Variants in COL5A2 observed in about 807,000 individuals in gnomAD.
COL5A2 encodes collagen type V alpha 2 chain.
COL5A2 carries 23 observed loss-of-function variants against 208.2 expected under a neutral mutation model. The observed-to-expected ratio is 0.11, with a 90% CI of 0.08 to 0.16. COL5A2 has a LOEUF of 0.16. COL5A2 is among the 10% of genes least tolerant of loss of function. The pLI, the probability that COL5A2 is intolerant of heterozygous loss-of-function variation, is 1.00. For synonymous variants in COL5A2, 625 were observed against 628.5 expected (o/e 0.99, Z 0.08); for missense variants, 1,590 against 1,956.4 (o/e 0.81, Z 3.53).
At chr2:189,063,619 A>G (rs1338962425) in intron 26 of COL5A2, among the ~76,000 whole-genome samples, 1 of 152,196 alleles carries the variant, frequency 6.6e-6, no homozygotes. Flanking sequence ...CTTAGAATAT[A>G]TAAGTTGTCA....
chr2:189,184,797 G>A (rs1028561050), upstream of COL5A2, among the ~76,000 whole-genome samples: 1 of 152,122 alleles, frequency 6.6e-6, no homozygotes, highest in Non-Finnish European at 1.5e-5. Flanking sequence ...GGATTAGGAC[G>A]TGAGTGCATC....
chr2:189,077,340 G>T (rs1243840944), intron 16 of COL5A2, among the ~76,000 whole-genome samples: 1 of 152,140 alleles, frequency 6.6e-6, no homozygotes, highest in Non-Finnish European at 1.5e-5. Flanking sequence ...AAGAATGTAT[G>T]GGTCTTGGTC....
chr2:189,222,346 G>A (rs969717985), intron 1 of COL5A2, among the ~76,000 whole-genome samples: 1 of 152,090 alleles, frequency 6.6e-6, no homozygotes. Context: ...ACATATATAT[G>A]TATTTCAAGC....
chr2:189,158,983 G>A (rs890461675), intron 1 of COL5A2, among the ~76,000 whole-genome samples: 2 of 152,016 alleles, frequency 1.3e-5, no homozygotes, highest in African/African-American at 4.8e-5. Flanking sequence ...TTGGTGCACC[G>A]AAGTCACACA....
the COL5A2 span, among the ~76,000 whole-genome samples, chr2:189,306,270 ACATCTTTC>A: frequency 6.6e-6 from 1 of 152,138 alleles, no homozygotes; most frequent in Non-Finnish European, 1.5e-5. Flanking sequence ...GGACTTGAGC[ACATCTTTC>A]CTACCTAACA....
chr2:189,042,689 C>T (rs1322048791), intron 49 of COL5A2, 31 bp downstream of exon 49: 3 of 1,594,838 alleles, frequency 1.9e-6, no homozygotes, highest in Middle Eastern at 1.7e-4. Flanking sequence ...TTATTATTTA[C>T]ACCTGCAACT....
the COL5A2 span, among the ~76,000 whole-genome samples, chr2:189,373,897 T>C: frequency 6.6e-6 from 1 of 152,194 alleles, no homozygotes; most frequent in Non-Finnish European, 1.5e-5. Context: ...TAATCTCCCA[T>C]GTAACTAAGG....
upstream of COL5A2, among the ~76,000 whole-genome samples, chr2:189,230,171 C>T (rs992532951): frequency 2.6e-5 from 4 of 151,640 alleles, no homozygotes; most frequent in Non-Finnish European, 5.9e-5. Flanking sequence ...TAATACCATA[C>T]CCAAAAATCA....
chr2:189,239,499 G>GA, the COL5A2 span, among the ~76,000 whole-genome samples: 2 of 151,468 alleles, frequency 1.3e-5, no homozygotes, highest in African/African-American at 4.9e-5. Context: ...AGTGCGATCT[G>GA]AAAATGCAAC....
At chr2:189,162,485 T>C (rs1688386462) in intron 1 of COL5A2, among the ~76,000 whole-genome samples, 1 of 152,218 alleles carries the variant, frequency 6.6e-6, no homozygotes. Flanking sequence ...AACACTTTAA[T>C]AATGACTTCT....
At chr2:189,287,526 C>T in the COL5A2 span, among the ~76,000 whole-genome samples, 58 of 152,220 alleles carry the variant, frequency 3.8e-4, no homozygotes, top group Non-Finnish European at 6.3e-4. Flanking sequence ...TCCCAGTCAT[C>T]TCAAAAGATG....
At chr2:189,307,427 A>G in the COL5A2 span, among the ~76,000 whole-genome samples, 1 of 152,148 alleles carries the variant, frequency 6.6e-6, no homozygotes, top group East Asian at 1.9e-4. Flanking sequence ...TTAAAAATTA[A>G]TAAGCAGAAA....
At chr2:189,212,173 A>T (rs1409960236) in intron 1 of COL5A2, among the ~76,000 whole-genome samples, 1 of 152,188 alleles carries the variant, frequency 6.6e-6, no homozygotes, top group Non-Finnish European at 1.5e-5. Context: ...ACCTCTACAT[A>T]GACAACGTGG....
the COL5A2 span, among the ~76,000 whole-genome samples, chr2:189,389,002 G>C: frequency 6.6e-6 from 1 of 152,244 alleles, no homozygotes; most frequent in African/African-American, 2.4e-5. Context: ...GAATAGTTAT[G>C]ATCAAATATT....
chr2:189,325,018 G>A, the COL5A2 span, among the ~76,000 whole-genome samples: 3 of 152,206 alleles, frequency 2.0e-5, no homozygotes, highest in East Asian at 5.8e-4. Flanking sequence ...TCCTTTGTAG[G>A]GACATGGATG....
intron 1 of COL5A2, among the ~76,000 whole-genome samples, chr2:189,145,924 T>C (rs1688030233): frequency 6.6e-6 from 1 of 152,080 alleles, no homozygotes; most frequent in African/African-American, 2.4e-5. Context: ...GCCATGTACA[T>C]GAGTGAGGTA....
chr2:189,261,626 C>T, the COL5A2 span, among the ~76,000 whole-genome samples: 49 of 152,156 alleles, frequency 3.2e-4, no homozygotes, highest in African/African-American at 1.2e-3. Flanking sequence ...ATTTATTTGG[C>T]TTCATGACCC....
chr2:189,393,431 A>C, the COL5A2 span, among the ~76,000 whole-genome samples: 1 of 152,246 alleles, frequency 6.6e-6, no homozygotes, highest in East Asian at 1.9e-4. Context: ...TATGTTTTTC[A>C]GCTTAAATAT....
At chr2:189,086,591 A>G in intron 9 of COL5A2, 135 bp downstream of exon 9, 3 of 634,880 alleles carry the variant, frequency 4.7e-6, no homozygotes, top group Middle Eastern at 4.1e-4. Flanking sequence ...TATTTAATAT[A>G]TCCTGTTTGA....
Sources: gnomAD v4.1 joint callset for allele counts (sites outside exome capture counted in the v4.1 genomes callset) on GRCh38, gnomAD v4.1.1 for gene constraint, MANE v1.5 for transcripts, NCBI Gene and HGNC (gene_info 2026-07-23, HGNC 2026-07-21) for gene names.